The following PSD3 variants were observed in gnomAD, a reference collection of about 807,000 sequenced individuals.
PSD3 encodes pleckstrin and Sec7 domain containing 3.
PSD3 carries 49 observed loss-of-function variants against 105.5 expected under a neutral mutation model. The observed-to-expected ratio is 0.46, with a 90% CI of 0.37 to 0.59. The LOEUF is 0.59. PSD3 is among the 20% of genes least tolerant of loss of function. The pLI is 0.00. For synonymous variants in PSD3, 557 were observed against 457.8 expected, an observed-to-expected ratio of 1.22 and a Z score of -2.77; for missense variants, 1,561 against 1,263.8, an observed-to-expected ratio of 1.24 and a Z score of -3.57.
intron 12 of PSD3, among the ~76,000 whole-genome samples, chr8:18,593,416 A>G (rs1303727486): frequency 6.6e-6 from 1 of 152,234 alleles, no homozygotes; most frequent in Non-Finnish European, 1.5e-5. Flanking sequence ...AATCAAAACC[A>G]CAATGAGATA....
At chr8:18,797,665 C>G (rs576238363) in intron 8 of PSD3, among the ~76,000 whole-genome samples, 3 of 152,218 alleles carry the variant, frequency 2.0e-5, no homozygotes, top group East Asian at 1.9e-4. Context: ...ATTATTAAAG[C>G]TATATTAGCT....
chr8:18,698,558 G>C (rs951896807), intron 9 of PSD3, among the ~76,000 whole-genome samples: 3 of 152,164 alleles, frequency 2.0e-5, no homozygotes, highest in Non-Finnish European at 2.9e-5. Flanking sequence ...AGCTGGAAAA[G>C]ACAAGCAAAA....
At chr8:18,635,128 G>A (rs940239171) in intron 10 of PSD3, among the ~76,000 whole-genome samples, 9 of 152,166 alleles carry the variant, frequency 5.9e-5, no homozygotes, top group African/African-American at 2.2e-4. Flanking sequence ...TTTGGCCATT[G>A]GGAGTTATAA....
intron 2 of PSD3, among the ~76,000 whole-genome samples, chr8:18,913,123 A>T (rs920157261): frequency 2.3e-4 from 29 of 127,368 alleles, no homozygotes; most frequent in South Asian, 5.4e-4. Context: ...ACACACACAC[A>T]CTCTCCTTCT....
chr8:18,719,274 G>A (rs1802797500), intron 9 of PSD3, among the ~76,000 whole-genome samples: 1 of 152,140 alleles, frequency 6.6e-6, no homozygotes, highest in African/African-American at 2.4e-5. Context: ...AAACAAGACT[G>A]CATTCTGACC....
rs1360238608 is a variant in PSD3 at position 18,808,613 on chromosome 8, G to A, written c.1635-3715C>T. 5 of 1,144,524 alleles carry A rather than the reference G, an allele frequency of 4.4e-6. No homozygotes were observed. In the African/African-American group the frequency reaches 6.3e-5, roughly 14 times the overall value. The allele number at this position is 1,144,524 out of a possible 1,614,324, so 70.9% of individuals were successfully genotyped here. ...CTTCAAAAAGGTTTCAGTAAAAGGA[G>A]AAAATAAAGCACAAAGGATAAATAT... is the stretch of plus-strand genomic sequence containing the variant. On this transcript the variant is annotated intron_variant, in intron 4 of 15. Coordinates refer to ENST00000327040, the MANE Select transcript of PSD3 (RefSeq NM_015310.4).
At chr8:18,688,426 T>A (rs1800785528) in intron 9 of PSD3, among the ~76,000 whole-genome samples, 1 of 152,206 alleles carries the variant, frequency 6.6e-6, no homozygotes, top group South Asian at 2.1e-4. Context: ...TTTTAACCCT[T>A]ATCAAAATCC....
At chr8:18,676,845 C>A (rs1338115245) in intron 9 of PSD3, among the ~76,000 whole-genome samples, 1 of 152,220 alleles carries the variant, frequency 6.6e-6, no homozygotes, top group Non-Finnish European at 1.5e-5. Flanking sequence ...TCCACTGTCT[C>A]CCTTGTGCTT....
chr8:18,827,411 C>A (rs1813284528), intron 4 of PSD3, among the ~76,000 whole-genome samples: 1 of 152,128 alleles, frequency 6.6e-6, no homozygotes. Context: ...CACTAGACTA[C>A]AGGGTGCGAA....
In PSD3 at chr8:19,045,748, T is replaced by C. The variant is rs10109485; in HGVS notation, c.324+38458A>G. Among the ~76,000 whole-genome samples the C allele has an allele frequency of 8.4e-3, 1,274 of 152,298 alleles. 19 individuals are homozygous for C. Among genetic ancestry groups the C allele is most frequent in the African/African-American group, 0.029 (1,193 of 41,558 alleles). On this transcript the variant is annotated intron_variant, in intron 1 of 1. Transcript: ENST00000521475. ...TGATTTAGCCAAAAACCAGCTAGTG[T>C]TGGGAGGGTGGAGAAGATGCTGTTA...
intron 4 of PSD3, among the ~76,000 whole-genome samples, chr8:18,841,093 G>A (rs763644753): frequency 3.3e-5 from 5 of 152,218 alleles, no homozygotes; most frequent in Non-Finnish European, 4.4e-5. Flanking sequence ...CATGATTTCA[G>A]TTGGGTAAAA....
chr8:18,979,838 A>G (rs1052861873), intron 1 of PSD3: 1 of 152,408 alleles, frequency 6.6e-6, no homozygotes, highest in Middle Eastern at 3.4e-3. Context: ...AAGAAAAAGT[A>G]GGTTATCAGG....
rs561418990 is a variant in PSD3, at chr8:18,822,054, G to GA, written c.1635-17157dup. Among the ~76,000 whole-genome samples, 199 of 151,908 alleles carry GA rather than the reference G, an allele frequency of 1.3e-3. 1 individual carries two copies. The highest frequency in any genetic ancestry group is 4.8e-3 in the African/African-American group (197 of 41,460). ...AAAGACGTAAAAGTCCTTCAGAAAA[G>GA]AAAAAAAATTTTCTTTGTTTCACCA... On this transcript the variant is annotated intron_variant, in intron 4 of 15. Transcript: ENST00000327040.
At chr8:18,558,779 C>A (rs1405263144) in intron 14 of PSD3, among the ~76,000 whole-genome samples, 1 of 152,116 alleles carries the variant, frequency 6.6e-6, no homozygotes, top group Non-Finnish European at 1.5e-5. Flanking sequence ...CGAGGTTGCG[C>A]CACTGCACTC....
rs554828842 is a variant in PSD3, at chr8:19,005,436, G to A, written c.21+8127C>T. On this transcript the variant is annotated intron_variant, in intron 1 of 15. Coordinates refer to ENST00000327040, the MANE Select transcript of PSD3 (RefSeq NM_015310.4). The stretch of plus-strand genomic sequence containing the variant: ...AGTGGTTGCCTGTGATGAGGGATAG[G>A]AGCAATGGGGAGAGGTGGCAACTCA... Among the ~76,000 whole-genome samples the A allele has an allele frequency of 2.0e-5, 3 of 152,052 alleles. No homozygotes were observed. In the South Asian group the frequency reaches 6.3e-4, roughly 32 times the overall value.
chr8:18,813,734 G>A (rs1474087691), intron 4 of PSD3, among the ~76,000 whole-genome samples: 1 of 152,162 alleles, frequency 6.6e-6, no homozygotes, highest in African/African-American at 2.4e-5. Context: ...TGGGACCTTA[G>A]GTAGGTAAGG....
At chr8:18,876,071 A>C (rs774732757) in intron 2 of PSD3, among the ~76,000 whole-genome samples, 2 of 151,836 alleles carry the variant, frequency 1.3e-5, no homozygotes, top group African/African-American at 2.4e-5. Context: ...ATCTATCAAA[A>C]CTTCATTCCT....
intron 11 of PSD3, among the ~76,000 whole-genome samples, chr8:18,627,116 T>A (rs1032931770): frequency 6.6e-6 from 1 of 152,006 alleles, no homozygotes; most frequent in African/African-American, 2.4e-5. Flanking sequence ...ACAGAAAACA[T>A]TGGATTATAA....
chr8:19,001,313 G>A lies in PSD3; in HGVS notation c.21+12250C>T, dbSNP rs183791010. 4.7e-4 allele frequency among the ~76,000 whole-genome samples: 71 copies of A among 151,662 alleles called. No homozygotes were observed. The East Asian group carries it at 0.013, about 27-fold the overall frequency. On this transcript the variant is annotated intron_variant, in intron 1 of 15. Coordinates refer to ENST00000327040, the MANE Select transcript of PSD3 (RefSeq NM_015310.4). ...TCTCACTATGTTGCCCAGGCCCGTA[G>A]ACTTTATTTATTAGAGTAGTTCTAG...
Sources: allele counts gnomAD v4.1 joint callset (sites outside exome capture counted in the v4.1 genomes callset), GRCh38; gene constraint gnomAD v4.1.1; transcripts MANE v1.5; gene names NCBI Gene and HGNC (gene_info 2026-07-23, HGNC 2026-07-21).